Variants in HNF4A observed in about 807,000 individuals in gnomAD.
HNF4A encodes the protein hepatocyte nuclear factor 4 alpha.
In HNF4A, 15 loss-of-function variants were observed where a neutral mutation model predicts 52.4. That is an observed-to-expected ratio of 0.29 (90% CI 0.19 to 0.44). The LOEUF is 0.44. HNF4A is among the 20% of genes least tolerant of loss of function. The probability of loss-of-function intolerance (pLI) is 1.00; values close to 1 mark genes in which losing one functional copy is unlikely to be tolerated. For missense variants in HNF4A, 479 were observed against 647.2 expected, an observed-to-expected ratio of 0.74 and a Z score of 2.82; for synonymous variants, 280 against 264.4, an observed-to-expected ratio of 1.06 and a Z score of -0.57.
intron 1 of HNF4A, among the ~76,000 whole-genome samples, chr20:44,387,172 C>T (rs1568704834): frequency 6.6e-6 from 1 of 151,252 alleles, no homozygotes; most frequent in African/African-American, 2.4e-5. Context: ...GTGTGGATCC[C>T]AGCTACTCAG....
chr20:44,428,256 C>A, intron 8 of HNF4A, 79 bp from the exon 9 acceptor site: 2 of 1,475,276 alleles, frequency 1.4e-6, no homozygotes, highest in Non-Finnish European at 1.9e-6. Flanking sequence ...TGATTGGCCA[C>A]GCCTGAGGAA....
At chr20:44,371,868 A>G (rs918936775) in intron 1 of HNF4A, among the ~76,000 whole-genome samples, 12 of 152,164 alleles carry the variant, frequency 7.9e-5, no homozygotes, top group Non-Finnish European at 1.8e-4. Flanking sequence ...CTTTAAAAAA[A>G]GTGAAGGTCT....
At position 44,414,642 on chromosome 20, in the gene HNF4A, G is replaced by A. The variant is rs771156648; in HGVS notation, c.628G>A (p.Glu210Lys). Residue 210 changes from glutamate (E) to lysine (K), a missense_variant, in exon 5 of 10, where the codon GAG becomes AAG. Transcript: ENST00000316099. Reference sequence around the variant, plus strand: ...GGCCAAGTACATCCCAGCTTTCTGCGAGCTCCCCCTGGACGACCAGGTGAG... The same window carrying A: ...GGCCAAGTACATCCCAGCTTTCTGCAAGCTCCCCCTGGACGACCAGGTGAG... 18 of 1,610,506 alleles carry A rather than the reference G, an allele frequency of 1.1e-5. No homozygotes were observed. Among genetic ancestry groups the A allele is most frequent in the South Asian group, 7.7e-5 (7 of 90,486 alleles).
At chr20:44,357,023 C>A (rs1177136473) in intron 1 of HNF4A, among the ~76,000 whole-genome samples, 1 of 152,094 alleles carries the variant, frequency 6.6e-6, no homozygotes, top group South Asian at 2.1e-4. Flanking sequence ...CTTGATACCA[C>A]GTGCATTGCA....
intron 6 of HNF4A, 68 bp downstream of exon 6, chr20:44,418,580 A>C: frequency 8.4e-7 from 1 of 1,185,292 alleles, no homozygotes; most frequent in Non-Finnish European, 1.2e-6. Flanking sequence ...TCACCCAGGC[A>C]AGGAGATTCA....
intron 3 of HNF4A, among the ~76,000 whole-genome samples, chr20:44,412,100 C>T (rs1389347653): frequency 6.6e-6 from 1 of 152,016 alleles, no homozygotes; most frequent in Non-Finnish European, 1.5e-5. Flanking sequence ...TCTTCCAATG[C>T]CTTCGTTCTC....
At chr20:44,397,771 C>T (rs1202384829), upstream of HNF4A, among the ~76,000 whole-genome samples, 1 of 152,074 alleles carries the variant, frequency 6.6e-6, no homozygotes, top group Non-Finnish European at 1.5e-5. Context: ...AGGGGCATGC[C>T]ACCATGCCTA....
At position 44,385,573 on chromosome 20, in the gene HNF4A, A is replaced by C. The variant is rs147095241; in HGVS notation, c.50-20485A>C. 4.8e-3 allele frequency among the ~76,000 whole-genome samples: 730 copies of C among 151,486 alleles called. 7 individuals carry two copies. The highest frequency in any genetic ancestry group is 0.016 in the African/African-American group (666 of 41,246). ...AACCTCCGCCTCCCAGGTTCAAGCA[A>C]TTCTCCTGCCCCAGCCTCCCAAGTA... On this transcript the variant is annotated intron_variant, in intron 1 of 9. Transcript: ENST00000316673.
intron 6 of HNF4A, among the ~76,000 whole-genome samples, chr20:44,419,495 T>G (rs143813450): frequency 0.027 from 4,113 of 152,248 alleles, 80 homozygotes; most frequent in Middle Eastern, 0.071. Flanking sequence ...TTGGGTCATG[T>G]GAAAGAGGTC....
At chr20:44,366,572 G>C (rs764350032) in intron 1 of HNF4A, among the ~76,000 whole-genome samples, 2 of 152,096 alleles carry the variant, frequency 1.3e-5, no homozygotes, top group African/African-American at 2.4e-5. Flanking sequence ...AGTGAGCCAA[G>C]ATCACGCCAC....
upstream of HNF4A, among the ~76,000 whole-genome samples, chr20:44,396,945 T>C (rs2063358481): frequency 6.6e-6 from 1 of 152,182 alleles, no homozygotes; most frequent in South Asian, 2.1e-4. Context: ...GCTAAGAAGC[T>C]TATCTACTCT....
chr20:44,365,004 G>A (rs530779034), intron 1 of HNF4A, among the ~76,000 whole-genome samples: 16 of 152,192 alleles, frequency 1.1e-4, no homozygotes, highest in East Asian at 3.8e-4. Context: ...CTAGCGGGGC[G>A]GGACTAGCTG....
At chr20:44,422,274 T>C (rs914207647) in intron 7 of HNF4A, among the ~76,000 whole-genome samples, 7 of 152,184 alleles carry the variant, frequency 4.6e-5, no homozygotes, top group Non-Finnish European at 8.8e-5. Context: ...AACACGAGGC[T>C]GGACTGGCAG....
intron 1 of HNF4A, among the ~76,000 whole-genome samples, chr20:44,392,939 G>A (rs887406362): frequency 6.6e-6 from 1 of 152,254 alleles, no homozygotes; most frequent in Non-Finnish European, 1.5e-5. Context: ...CCTCTTGGCT[G>A]GAGAACCTTT....
At position 44,419,828 on chromosome 20, in the gene HNF4A, G is replaced by A. The variant is rs1236613475; in HGVS notation, c.844G>A (p.Asp282Asn). Residue 282 changes from aspartate to asparagine, a missense_variant, in exon 7 of 10, where the codon GAT (aspartate) becomes AAT (asparagine). Around this residue, in one of 3 missense-constraint regions of HNF4A, gnomAD observed 389 missense variants for 525.1 expected, o/e 0.74. Transcript: ENST00000316099. ...GCTGCCCTTCCAGGAGCTGCAGATC[G>A]ATGACAATGAGTATGCCTACCTCAA... is the stretch of plus-strand genomic sequence containing the variant. 10 of 1,614,090 alleles carry A rather than the reference G, an allele frequency of 6.2e-6. No homozygotes were observed. Among genetic ancestry groups the A allele is most frequent in the South Asian group, 4.4e-5 (4 of 91,078 alleles).
Position 44,401,458 on chromosome 20 carries a change from A to C in HNF4A, c.86A>C (p.Glu29Ala). Residue 29 changes from glutamate (E) to alanine (A), a missense_variant, in exon 1 of 10, where the codon GAG becomes GCG. Coordinates refer to ENST00000316099, the MANE Select transcript of HNF4A (RefSeq NM_000457.6). The stretch of plus-strand genomic sequence containing the variant: ...CCAGCCTACACCACCCTGGAATTTG[A>C]GAATGTGCAGGTGTTGACGATGGGC... 6.2e-7 allele frequency: 1 copy of C among 1,614,186 alleles called. No individual in the cohort carries two copies. The highest frequency in any genetic ancestry group is 8.5e-7 in the Non-Finnish European group (1 of 1,180,030).
At chr20:44,410,204 C>T (rs1326322805) in intron 3 of HNF4A, among the ~76,000 whole-genome samples, 2 of 152,212 alleles carry the variant, frequency 1.3e-5, no homozygotes, top group African/African-American at 4.8e-5. Context: ...GATGAGAGCC[C>T]CAGACCATTC....
At chr20:44,424,434 T>C in intron 8 of HNF4A, 180 bp downstream of exon 8, 1 of 1,149,000 alleles carries the variant, frequency 8.7e-7, no homozygotes, top group Non-Finnish European at 1.3e-6. Flanking sequence ...CAATGGTCTA[T>C]TTGTTCAGGC....
chr20:44,426,983 T>C (rs2063821660), intron 8 of HNF4A, among the ~76,000 whole-genome samples: 1 of 152,208 alleles, frequency 6.6e-6, no homozygotes, highest in Admixed American at 6.5e-5. Flanking sequence ...TTTCAGTGAC[T>C]GAAGATGACA....
Sources: gnomAD v4.1 joint callset for allele counts (sites outside exome capture counted in the v4.1 genomes callset) on GRCh38, gnomAD v4.1.1 for gene constraint, gnomAD v4.1.1 regional missense constraint, MANE v1.5 for transcripts, NCBI Gene and HGNC (gene_info 2026-07-23, HGNC 2026-07-21) for gene names.